The following CASP8 variants were observed in gnomAD, a reference collection of about 807,000 sequenced individuals.
CASP8 encodes the protein caspase-8.
In CASP8, 24 loss-of-function variants were observed where a neutral mutation model predicts 46.3. That is an observed-to-expected ratio of 0.52 (90% CI 0.38 to 0.73). The LOEUF (loss-of-function observed/expected upper bound fraction) is 0.73, where lower values mean the gene tolerates loss of function less well. Ranked by LOEUF, CASP8 falls within the 30% of genes least tolerant of loss-of-function variation. CASP8 has a pLI of 0.00. For missense variants in CASP8, 460 were observed against 559.0 expected (o/e 0.82, Z 1.79); for synonymous variants, 188 against 200.4 (o/e 0.94, Z 0.52).
At chr2:201,246,891 T>C (rs993085576) in intron 2 of CASP8, among the ~76,000 whole-genome samples, 1 of 145,662 alleles carries the variant, frequency 6.9e-6, no homozygotes, top group East Asian at 2.2e-4. Context: ...GGGTAAGATT[T>C]GCTTAGAATT....
At chr2:201,259,906 T>C (rs1356907580), upstream of CASP8, among the ~76,000 whole-genome samples, 2 of 151,400 alleles carry the variant, frequency 1.3e-5, no homozygotes, top group Non-Finnish European at 2.9e-5. Flanking sequence ...ATTTTTTTCA[T>C]TTTAGAATTT....
At chr2:201,245,252 GT>G (rs948402184) in intron 2 of CASP8, among the ~76,000 whole-genome samples, 28 of 144,188 alleles carry the variant, frequency 1.9e-4, no homozygotes, top group South Asian at 2.2e-4. Flanking sequence ...ATTTGTTTTT[GT>G]TTTTTTTTTT....
At chr2:201,248,362 C>T (rs1314070505) in intron 2 of CASP8, among the ~76,000 whole-genome samples, 26 of 152,056 alleles carry the variant, frequency 1.7e-4, no homozygotes, top group Non-Finnish European at 7.4e-5. Flanking sequence ...AGTGAATGTC[C>T]GTCCAGATGA....
upstream of CASP8, chr2:201,258,409 C>T (rs1947143839): frequency 6.2e-7 from 1 of 1,613,478 alleles, no homozygotes; most frequent in Non-Finnish European, 8.5e-7. Flanking sequence ...AAGGTGGCCT[C>T]TTCAACAGGA....
At chr2:201,238,834 A>G (rs1946169594) in intron 2 of CASP8, among the ~76,000 whole-genome samples, 1 of 152,112 alleles carries the variant, frequency 6.6e-6, no homozygotes, top group African/African-American at 2.4e-5. Flanking sequence ...TGGCAGGGTC[A>G]CAGGACAATA....
intron 2 of CASP8, among the ~76,000 whole-genome samples, chr2:201,245,067 C>T (rs943022184): frequency 2.0e-5 from 3 of 152,056 alleles, no homozygotes; most frequent in Non-Finnish European, 4.4e-5. Flanking sequence ...TGCTTGGAGG[C>T]GATAGAGAGC....
chr2:201,237,902 A>G (rs1038122858), intron 2 of CASP8, among the ~76,000 whole-genome samples: 1 of 152,266 alleles, frequency 6.6e-6, no homozygotes, highest in African/African-American at 2.4e-5. Context: ...AGCTAGGGGA[A>G]AAATGGGAAG....
At chr2:201,244,832 G>T (rs541981231) in intron 2 of CASP8, among the ~76,000 whole-genome samples, 3 of 152,310 alleles carry the variant, frequency 2.0e-5, no homozygotes, top group Admixed American at 2.0e-4. Flanking sequence ...GGGGGCCCTT[G>T]TAGGGTTCCC....
intron 6 of CASP8, 43 bp downstream of exon 6, chr2:201,274,996 C>A (rs200861691): frequency 1.4e-5 from 18 of 1,289,246 alleles, no homozygotes; most frequent in East Asian, 7.0e-5. Context: ...ATTACAGATT[C>A]TAGTTATTTA....
chr2:201,273,054 TTTTC>T, intron 5 of CASP8, 112 bp downstream of exon 5: 1 of 829,422 alleles, frequency 1.2e-6, no homozygotes. Flanking sequence ...CTGCTCTACT[TTTTC>T]TTTTTTTTTT....
chr2:201,283,048 A>AC (rs1417790620), intron 7 of CASP8, among the ~76,000 whole-genome samples: 5 of 31,456 alleles, frequency 1.6e-4, no homozygotes, highest in Admixed American at 2.9e-4. Flanking sequence ...CAGGGGGCTG[A>AC]CCCCCCCTCC....
At chr2:201,286,108 T>C (rs948767419) in intron 8 of CASP8, among the ~76,000 whole-genome samples, 1 of 152,220 alleles carries the variant, frequency 6.6e-6, no homozygotes, top group African/African-American at 2.4e-5. Context: ...AGATGCGATG[T>C]CAATTCGAGG....
In CASP8 at chr2:201,286,660, G is replaced by C. The variant is rs990772742; in HGVS notation, c.*66G>C. On this transcript the variant is annotated 3_prime_UTR_variant, in exon 9 of 9. Transcript: ENST00000673742. ...AGACAGAATCTCGCTCTGTCGCCCA[G>C]GCTGGAGTGCAGTGGCGTGATCTCG... 2 of 1,413,976 alleles carry C rather than the reference G, an allele frequency of 1.4e-6. No individual in the cohort carries two copies. Among genetic ancestry groups the C allele is most frequent in the East Asian group, 4.9e-5 (2 of 40,626 alleles). The allele number at this position is 1,413,976 out of a possible 1,614,324, so 87.6% of individuals were successfully genotyped here.
intron 2 of CASP8, among the ~76,000 whole-genome samples, chr2:201,251,538 T>C (rs1379931515): frequency 2.1e-5 from 3 of 142,218 alleles, no homozygotes; most frequent in Admixed American, 1.5e-4. Flanking sequence ...GAGGTTGCAT[T>C]GAGCCAAGAT....
upstream of CASP8, among the ~76,000 whole-genome samples, chr2:201,259,650 A>G (rs1032228963): frequency 6.6e-6 from 1 of 152,110 alleles, no homozygotes; most frequent in Admixed American, 6.5e-5. Flanking sequence ...TTCTTTTCCT[A>G]CTTTTAATAT....
chr2:201,275,138 A>T (rs1948547653), intron 6 of CASP8, among the ~76,000 whole-genome samples, 185 bp downstream of exon 6: 3 of 151,536 alleles, frequency 2.0e-5, no homozygotes, highest in Non-Finnish European at 4.4e-5. Context: ...TTAAAATGTG[A>T]CTCCTTCAGT....
At chr2:201,284,577 T>C (rs1377154844) in intron 7 of CASP8, among the ~76,000 whole-genome samples, 1 of 65,918 alleles carries the variant, frequency 1.5e-5, no homozygotes, top group African/African-American at 4.9e-5. Context: ...CTCGGCAGGC[T>C]GAGGCAGGAG....
chr2:201,261,255 A>G (rs1947371573), intron 1 of CASP8, among the ~76,000 whole-genome samples: 3 of 151,938 alleles, frequency 2.0e-5, no homozygotes, highest in African/African-American at 7.3e-5. Context: ...GCCGGGCATG[A>G]TGGCGCATGC....
rs750523524 is a variant in CASP8, at chr2:201,272,874, T to C, written c.551-24T>C. The C allele has an allele frequency of 9.3e-6, 15 of 1,614,034 alleles. No individual in the cohort carries two copies. The highest frequency in any genetic ancestry group is 1.2e-5 in the Non-Finnish European group (14 of 1,179,970). On this transcript the variant is annotated intron_variant, in intron 4 of 8. Transcript: ENST00000673742. The surrounding 1 kb of genome is among the most constrained non-coding windows in gnomAD (Gnocchi z 4.4). ...ACAGTTGTTTCTAATCAAATATTGT[T>C]TGGGGTTTCCCCTTTTAATTCAGAG...
Sources: allele counts gnomAD v4.1 joint callset (sites outside exome capture counted in the v4.1 genomes callset), GRCh38; gene constraint gnomAD v4.1.1; non-coding constraint Gnocchi (gnomAD v3.1); transcripts MANE v1.5; gene names NCBI Gene and HGNC (gene_info 2026-07-23, HGNC 2026-07-21).